Variants in XPO7 observed in about 807,000 individuals in gnomAD.
XPO7 encodes the protein exportin-7.
In XPO7, 21 loss-of-function variants were observed where a neutral mutation model predicts 144.3. That is an observed-to-expected ratio of 0.15 (90% CI 0.10 to 0.21). XPO7 has a LOEUF of 0.21. Among genes scored for constraint, XPO7 ranks in the 10% least tolerant of loss-of-function variants. The probability of loss-of-function intolerance (pLI) is 1.00; values close to 1 mark genes in which losing one functional copy is unlikely to be tolerated. For missense variants in XPO7, 808 were observed against 1,325.8 expected, an observed-to-expected ratio of 0.61 and a Z score of 6.06; for synonymous variants, 580 against 499.6, an observed-to-expected ratio of 1.16 and a Z score of -2.15.
intron 4 of XPO7, among the ~76,000 whole-genome samples, chr8:21,970,724 C>T (rs1222694113): frequency 1.3e-5 from 2 of 152,154 alleles, no homozygotes; most frequent in African/African-American, 2.4e-5. Flanking sequence ...AAAAGTTATA[C>T]AGCTTGCACT....
chr8:21,922,184 G>A (rs1052267034), intron 1 of XPO7, among the ~76,000 whole-genome samples: 3 of 152,142 alleles, frequency 2.0e-5, no homozygotes, highest in Non-Finnish European at 4.4e-5. Context: ...TGAACCACCA[G>A]GGTGAGCAGT....
rs762839424 is a variant in XPO7 at position 22,003,230 on chromosome 8, G to T, written c.2955G>T (p.Thr985=). ...CATTCCATTTTCAGATGCTGTCCAC[G>T]GTGCTGAACATCATCATCTTTGAAG... ...HPEMIQQMLS[T]VLNIIIFEDC... Residue 985 remains threonine, a synonymous_variant, in exon 26 of 28, where the codon ACG becomes ACT. Coordinates refer to ENST00000252512, the MANE Select transcript of XPO7 (RefSeq NM_015024.5). 6.2e-7 allele frequency: 1 copy of T among 1,611,678 alleles called. No individual in the cohort carries two copies. Among genetic ancestry groups the T allele is most frequent in the Non-Finnish European group, 8.5e-7 (1 of 1,178,996 alleles).
intron 4 of XPO7, among the ~76,000 whole-genome samples, chr8:21,970,984 C>G (rs1278049584): frequency 4.6e-5 from 7 of 152,190 alleles, no homozygotes; most frequent in African/African-American, 4.8e-5. Flanking sequence ...GAACAACTTT[C>G]AATCCTGTAA....
At chr8:21,968,548 GC>G (rs1249093824) in intron 2 of XPO7, among the ~76,000 whole-genome samples, 2 of 152,278 alleles carry the variant, frequency 1.3e-5, no homozygotes, top group Non-Finnish European at 2.9e-5. Flanking sequence ...TGTGGGAGAT[GC>G]CCAGCTAGCT....
chr8:21,967,658 T>C (rs1309477407), intron 2 of XPO7, among the ~76,000 whole-genome samples: 2 of 152,082 alleles, frequency 1.3e-5, no homozygotes, highest in Admixed American at 6.6e-5. Flanking sequence ...TAATCCAAAG[T>C]CCTAGTACAA....
In XPO7 at chr8:22,005,010, G is replaced by A. The variant is rs750694506; in HGVS notation, c.3186G>A (p.Leu1062=). The part of the protein sequence containing the change: ...TKNRDRFTQN[L]SAFRREVNDS... ...CTCTCTGCAGGTTCACCCAGAACCT[G>A]TCAGCATTCCGTCGAGAAGTCAACG... The change falls in exon 28 of 28, where the codon CTG becomes CTA. Residue 1062 remains leucine, a synonymous_variant. Coordinates refer to ENST00000252512, the MANE Select transcript of XPO7 (RefSeq NM_015024.5). 5 of 1,606,694 alleles carry A rather than the reference G, an allele frequency of 3.1e-6. No homozygotes were observed. In the Admixed American group the frequency reaches 6.8e-5, roughly 22 times the overall value.
At chr8:21,926,261 A>G (rs1467897331) in intron 1 of XPO7, among the ~76,000 whole-genome samples, 2 of 152,204 alleles carry the variant, frequency 1.3e-5, no homozygotes, top group African/African-American at 4.8e-5. Context: ...TTATAACTGT[A>G]GTGGCCTTTT....
At chr8:21,946,574 G>GA (rs375503342) in intron 1 of XPO7, among the ~76,000 whole-genome samples, 27,597 of 88,130 alleles carry the variant, frequency 0.31, 3,270 homozygotes, top group African/African-American at 0.35. Context: ...TTCTAGAACT[G>GA]AAAAAAAAAA....
intron 1 of XPO7, among the ~76,000 whole-genome samples, chr8:21,941,399 G>A (rs371508190): frequency 1.3e-5 from 2 of 152,170 alleles, no homozygotes; most frequent in South Asian, 2.1e-4. Flanking sequence ...CAACCCTCTC[G>A]CCTTGGCCTT....
At chr8:21,953,988 A>G (rs1811455028) in intron 1 of XPO7, among the ~76,000 whole-genome samples, 1 of 152,188 alleles carries the variant, frequency 6.6e-6, no homozygotes, top group African/African-American at 2.4e-5. Context: ...TCTGTTTGTA[A>G]ATGAAATTTC....
chr8:21,936,309 A>T (rs1810820502), intron 1 of XPO7, among the ~76,000 whole-genome samples: 1 of 152,180 alleles, frequency 6.6e-6, no homozygotes, highest in Admixed American at 6.5e-5. Context: ...TGTCCAGAAG[A>T]TGCAGTCAAT....
intron 5 of XPO7, among the ~76,000 whole-genome samples, chr8:21,973,121 A>C (rs1812119924): frequency 6.6e-6 from 1 of 152,260 alleles, no homozygotes; most frequent in African/African-American, 2.4e-5. Context: ...CACAAGCAAC[A>C]GATGTGATTC....
At chr8:22,001,047 G>T (rs1813125746) in intron 24 of XPO7, among the ~76,000 whole-genome samples, 1 of 152,094 alleles carries the variant, frequency 6.6e-6, no homozygotes, top group Non-Finnish European at 1.5e-5. Flanking sequence ...GACCTGGCCG[G>T]GCGTGGTGGC....
intron 8 of XPO7, among the ~76,000 whole-genome samples, chr8:21,978,395 C>T (rs1431137721): frequency 2.6e-5 from 4 of 152,094 alleles, no homozygotes; most frequent in Non-Finnish European, 4.4e-5. Context: ...TGTAAATTAC[C>T]GGTTGGTGTT....
At chr8:21,980,724 G>A (rs1330052756) in intron 9 of XPO7, among the ~76,000 whole-genome samples, 1 of 150,464 alleles carries the variant, frequency 6.6e-6, no homozygotes, top group Non-Finnish European at 1.5e-5. Flanking sequence ...GCAGTGAGCC[G>A]AGATCATGCC....
chr8:21,969,793 C>T (rs984228994), intron 3 of XPO7: 10 of 557,664 alleles, frequency 1.8e-5, no homozygotes, highest in South Asian at 4.8e-5. Context: ...CTTTTGTTAT[C>T]GGGAGATTTC....
chr8:21,958,625 C>T (rs751482680), intron 1 of XPO7, among the ~76,000 whole-genome samples: 8 of 151,638 alleles, frequency 5.3e-5, no homozygotes, highest in Non-Finnish European at 1.0e-4. Context: ...AAAAAAAACC[C>T]GTAAAGGACC....
At position 22,005,866 on chromosome 8, in the gene XPO7, C is replaced by G. The variant is rs1415081409; in HGVS notation, c.*778C>G. On this transcript the variant is annotated 3_prime_UTR_variant, in exon 28 of 28. Transcript: ENST00000252512. ...GGTGTTCTTATCTCCACCCTCTTTC[C>G]TACTTTGCTTACCCTCATCCTCAGA... The G allele has an allele frequency of 6.6e-6, 1 of 152,246 alleles. No individual in the cohort carries two copies. The highest frequency in any genetic ancestry group is 1.5e-5 in the Non-Finnish European group (1 of 68,100). The allele number at this position is 152,246 out of a possible 1,614,324, so 9.4% of individuals were successfully genotyped here.
chr8:21,931,078 A>G (rs7463931), intron 1 of XPO7, among the ~76,000 whole-genome samples: 5 of 151,842 alleles, frequency 3.3e-5, no homozygotes, highest in South Asian at 2.1e-4. Flanking sequence ...TCCTGACCTC[A>G]AGTGATCTGC....
Sources: allele counts gnomAD v4.1 joint callset (sites outside exome capture counted in the v4.1 genomes callset), GRCh38; gene constraint gnomAD v4.1.1; transcripts MANE v1.5; gene names NCBI Gene and HGNC (gene_info 2026-07-23, HGNC 2026-07-21).